The following TAB2 variants were observed in gnomAD, a reference collection of about 807,000 sequenced individuals.
TAB2 encodes TGF-beta activated kinase 1 (MAP3K7) binding protein 2, also known as TGF-beta-activated kinase 1 and MAP3K7-binding protein 2.
In TAB2, 3 loss-of-function variants were observed where a neutral mutation model predicts 65.0. That is an observed-to-expected ratio of 0.05 (90% confidence interval 0.02 to 0.12). The LOEUF (loss-of-function observed/expected upper bound fraction) is 0.12, where lower values mean the gene tolerates loss of function less well. Ranked by LOEUF, TAB2 falls within the 10% of genes least tolerant of loss-of-function variation. The probability of loss-of-function intolerance (pLI) is 1.00; values close to 1 mark genes in which losing one functional copy is unlikely to be tolerated. For synonymous variants in TAB2, 298 were observed against 285.1 expected (o/e 1.05, Z -0.46); for missense variants, 623 against 840.3 (o/e 0.74, Z 3.20).
At chr6:149,236,184 A>G (rs1777490963) in intron 1 of TAB2, among the ~76,000 whole-genome samples, 1 of 152,230 alleles carries the variant, frequency 6.6e-6, no homozygotes. Context: ...CTTCACCACT[A>G]CACAATATAC....
intron 1 of TAB2, among the ~76,000 whole-genome samples, chr6:149,272,716 G>A (rs1778385681): frequency 6.6e-6 from 1 of 152,188 alleles, no homozygotes; most frequent in African/African-American, 2.4e-5. Flanking sequence ...AGACTTGGGG[G>A]ATTTGCCTGT....
Position 149,378,645 on chromosome 6 carries a change from C to T in TAB2, c.730C>T (p.Pro244Ser), listed in dbSNP as rs2114884926. The T allele has an allele frequency of 1.2e-6, 2 of 1,613,396 alleles. No homozygotes were observed. Among genetic ancestry groups the T allele is most frequent in the Non-Finnish European group, 1.7e-6 (2 of 1,180,026 alleles). ...GWVSQFNPMN[P>S]QQVYQPSQPG... The stretch of plus-strand genomic sequence containing the variant: ...GGTATCTCAGTTTAATCCCATGAAC[C>T]CTCAGCAAGTTTATCAGCCTTCACA... Residue 244 changes from proline (P) to serine (S), a missense_variant, in exon 3 of 7, where the codon CCT becomes TCT. Transcript: ENST00000637181.
intron 1 of TAB2, among the ~76,000 whole-genome samples, chr6:149,337,270 T>TA (rs1285360558): frequency 5.5e-5 from 6 of 108,410 alleles, no homozygotes; most frequent in Admixed American, 2.1e-4. Flanking sequence ...TTTATGCATT[T>TA]AAAACCATAT....
intron 1 of TAB2, among the ~76,000 whole-genome samples, chr6:149,295,826 G>A (rs1454827667): frequency 1.3e-5 from 2 of 152,252 alleles, no homozygotes; most frequent in Non-Finnish European, 2.9e-5. Flanking sequence ...AGGCTGGGGT[G>A]CAGTGGCATG....
intron 1 of TAB2, among the ~76,000 whole-genome samples, chr6:149,276,797 C>T (rs1383077726): frequency 6.6e-6 from 1 of 152,092 alleles, no homozygotes; most frequent in Non-Finnish European, 1.5e-5. Context: ...TCAACAATTC[C>T]ATTTCTAGGA....
At chr6:149,257,206 C>T (rs529069633) in intron 1 of TAB2, among the ~76,000 whole-genome samples, 3 of 152,256 alleles carry the variant, frequency 2.0e-5, no homozygotes, top group Admixed American at 1.3e-4. Context: ...AGCACGTCCA[C>T]GGAAAGTAAA....
Position 149,404,126 on chromosome 6 carries a change from A to T in TAB2, c.1939+4942A>T, listed in dbSNP as rs144195521. Among the ~76,000 whole-genome samples, 691 of 152,374 alleles carry T rather than the reference A, an allele frequency of 4.5e-3. 11 individuals are homozygous for T. The highest frequency in any genetic ancestry group is 0.016 in the African/African-American group (651 of 41,594). ...TTAAAAGTAATAAATGAATTTAGTA[A>T]AATTGCAAGACACAAAAACAATGTA... is the stretch of plus-strand genomic sequence containing the variant. On this transcript the variant is annotated intron_variant, in intron 6 of 6. Transcript: ENST00000637181.
chr6:149,266,406 T>A (rs1778266186), intron 1 of TAB2, among the ~76,000 whole-genome samples: 1 of 152,240 alleles, frequency 6.6e-6, no homozygotes, highest in Non-Finnish European at 1.5e-5. Flanking sequence ...TGTCATAACC[T>A]GGTCACCTCA....
intron 1 of TAB2, among the ~76,000 whole-genome samples, chr6:149,322,062 A>G (rs931234138): frequency 2.6e-5 from 4 of 152,144 alleles, no homozygotes; most frequent in Non-Finnish European, 5.9e-5. Context: ...AGGAACTAAT[A>G]TTTATTGAAT....
chr6:149,398,427 A>T (rs1244643374), intron 5 of TAB2, among the ~76,000 whole-genome samples: 1 of 152,206 alleles, frequency 6.6e-6, no homozygotes, highest in Non-Finnish European at 1.5e-5. Flanking sequence ...CTGAAGTTGG[A>T]TAAATAATAA....
At chr6:149,399,689 T>A (rs1782304040) in intron 6 of TAB2, among the ~76,000 whole-genome samples, 1 of 152,198 alleles carries the variant, frequency 6.6e-6, no homozygotes. Context: ...AGTATGTCTG[T>A]GTGTTTTGAT....
chr6:149,302,503 G>A (rs145652425), intron 1 of TAB2, among the ~76,000 whole-genome samples: 35 of 152,290 alleles, frequency 2.3e-4, no homozygotes, highest in Middle Eastern at 3.4e-3. Context: ...CTCTGCTGCT[G>A]TTCTCCGAAA....
chr6:149,330,846 C>G (rs1779760956), intron 1 of TAB2, among the ~76,000 whole-genome samples: 1 of 152,132 alleles, frequency 6.6e-6, no homozygotes, highest in Non-Finnish European at 1.5e-5. Flanking sequence ...TCTGAGAACA[C>G]TGGCTAACCT....
intron 1 of TAB2, among the ~76,000 whole-genome samples, chr6:149,236,284 A>G (rs1402421862): frequency 1.3e-5 from 2 of 152,248 alleles, no homozygotes; most frequent in African/African-American, 4.8e-5. Flanking sequence ...GGTCACCCTC[A>G]TTTGAGGTAT....
At chr6:149,286,988 GCA>G (rs1380336818) in intron 1 of TAB2, among the ~76,000 whole-genome samples, 2 of 152,120 alleles carry the variant, frequency 1.3e-5, no homozygotes, top group African/African-American at 2.4e-5. Context: ...ATGGTGGTAA[GCA>G]TCTGTAATCT....
intron 6 of TAB2, among the ~76,000 whole-genome samples, chr6:149,399,967 TTAAAA>T (rs1293646400): frequency 2.6e-5 from 4 of 152,218 alleles, no homozygotes; most frequent in Non-Finnish European, 2.9e-5. Context: ...TGTTATCAAC[TTAAAA>T]TAGAAGAGTA....
chr6:149,347,646 G>A (rs1361049394), intron 1 of TAB2, among the ~76,000 whole-genome samples: 1 of 152,052 alleles, frequency 6.6e-6, no homozygotes, highest in Non-Finnish European at 1.5e-5. Context: ...TATCTTAAAT[G>A]GAGTTTAAGT....
intron 1 of TAB2, among the ~76,000 whole-genome samples, chr6:149,352,030 A>G (rs1780509752): frequency 6.6e-6 from 1 of 152,134 alleles, no homozygotes; most frequent in Admixed American, 6.5e-5. Context: ...TTATTTATTC[A>G]TTGGTTCCTT....
At chr6:149,390,528 C>T (rs1430607596) in intron 3 of TAB2, among the ~76,000 whole-genome samples, 1 of 152,090 alleles carries the variant, frequency 6.6e-6, no homozygotes, top group Non-Finnish European at 1.5e-5. Context: ...AAACTAACAC[C>T]ATCTGGAACT....
Sources: gnomAD v4.1 joint callset for allele counts (sites outside exome capture counted in the v4.1 genomes callset) on GRCh38, gnomAD v4.1.1 for gene constraint, MANE v1.5 for transcripts, NCBI Gene and HGNC (gene_info 2026-07-23, HGNC 2026-07-21) for gene names.